ATP1B3: variants seen among roughly 807,000 people sequenced by gnomAD.
ATP1B3 encodes ATPase Na+/K+ transporting subunit beta 3.
Under a neutral mutation model 30.2 loss-of-function variants are expected in ATP1B3, and 10 were observed. That is an observed-to-expected ratio of 0.33 (90% CI 0.20 to 0.56). The LOEUF is 0.56. ATP1B3 is among the 20% of genes least tolerant of loss of function. The probability of loss-of-function intolerance (pLI) is 0.90; values close to 1 mark genes in which losing one functional copy is unlikely to be tolerated. For missense variants in ATP1B3, 238 were observed against 336.7 expected (o/e 0.71, Z 2.29); for synonymous variants, 113 against 117.0 (o/e 0.97, Z 0.22).
Position 141,907,235 on chromosome 3 carries a change from T to C in ATP1B3, c.307T>C (p.Tyr103His). Residue 103 changes from tyrosine (Y) to histidine (H), a missense_variant, in exon 3 of 7, where the codon TAT (tyrosine) becomes CAT (histidine). By Grantham distance (83) the Tyr-to-His change is moderately conservative. This residue lies in a region of ATP1B3 where 130 missense variants were observed against 148.8 expected (regional missense o/e 0.87). Coordinates refer to ENST00000286371, the MANE Select transcript of ATP1B3 (RefSeq NM_001679.4). Reference sequence around the variant, plus strand: ...ATTCAGTAGGTCTGATCCAACTTCGTATGCAGGGTACATTGAAGACCTTAA... The same window carrying C: ...ATTCAGTAGGTCTGATCCAACTTCGCATGCAGGGTACATTGAAGACCTTAA... ...YTFSRSDPTS[Y>H]AGYIEDLKKF... The C allele has an allele frequency of 6.2e-7, 1 of 1,612,842 alleles. No individual in the cohort carries two copies. Among genetic ancestry groups the C allele is most frequent in the Non-Finnish European group, 8.5e-7 (1 of 1,179,530 alleles).
intron 5 of ATP1B3, chr3:141,916,423 T>C (rs1401934684): frequency 3.7e-6 from 2 of 541,702 alleles, no homozygotes; most frequent in Non-Finnish European, 6.6e-6. Context: ...TAATGAAATA[T>C]GGTGCATTTT....
At chr3:141,878,579 A>G (rs1337204661) in intron 1 of ATP1B3, among the ~76,000 whole-genome samples, 1 of 152,178 alleles carries the variant, frequency 6.6e-6, no homozygotes, top group East Asian at 1.9e-4. Flanking sequence ...AGTGCTCTTC[A>G]ACCTTTGTAT....
chr3:141,899,497 AG>A, intron 1 of ATP1B3, among the ~76,000 whole-genome samples: 1 of 152,246 alleles, frequency 6.6e-6, no homozygotes, highest in East Asian at 1.9e-4. Flanking sequence ...TCATGTGTTG[AG>A]GGGGCATATT....
chr3:141,890,285 CTTTTTTTTTTTTTTT>C lies in ATP1B3; in HGVS notation c.110-13314_110-13300del, dbSNP rs775182342. Among the ~76,000 whole-genome samples, 24 of 28,554 alleles carry C rather than the reference CTTTTTTTTTTTTTTT, an allele frequency of 8.4e-4. No individual in the cohort carries two copies. The East Asian group carries it at 9.2e-3, about 11-fold the overall frequency. 18.7% of individuals were successfully genotyped at this position (28,554 alleles called of 152,430 possible). A position where few individuals can be genotyped will look rare whatever the true frequency, so the allele number is the denominator to read the frequency against. On this transcript the variant is annotated intron_variant, in intron 1 of 6. Transcript: ENST00000286371. ...TTTGTTTGTTTGTTTTTTTGTGGGG[CTTTTTTTTTTTTTTT>C]TTTTTTTTTTTTTTTTTTTTGAGAT...
intron 1 of ATP1B3, among the ~76,000 whole-genome samples, chr3:141,886,156 G>C (rs1192508934): frequency 6.6e-6 from 1 of 152,142 alleles, no homozygotes; most frequent in Non-Finnish European, 1.5e-5. Context: ...TGGCATTCCA[G>C]GTTTATTGTA....
intron 1 of ATP1B3, among the ~76,000 whole-genome samples, chr3:141,899,078 G>A (rs905663531): frequency 1.3e-5 from 2 of 152,180 alleles, no homozygotes; most frequent in African/African-American, 2.4e-5. Flanking sequence ...CTGGGTGCAG[G>A]GAGGGAGAGG....
At chr3:141,894,397 A>G (rs935950383) in intron 1 of ATP1B3, among the ~76,000 whole-genome samples, 7 of 151,916 alleles carry the variant, frequency 4.6e-5, no homozygotes, top group Non-Finnish European at 2.9e-5. Flanking sequence ...GCTTCAAGCA[A>G]TCTTCCCATC....
At chr3:141,921,786 G>C (rs986480622) in intron 5 of ATP1B3, 191 bp from the exon 6 acceptor site, 4 of 436,126 alleles carry the variant, frequency 9.2e-6, no homozygotes, top group African/African-American at 8.4e-5. Flanking sequence ...TGTGGAAGGG[G>C]TTAGTTAGAT....
At chr3:141,885,592 G>C (rs1306036119) in intron 1 of ATP1B3, among the ~76,000 whole-genome samples, 1 of 151,984 alleles carries the variant, frequency 6.6e-6, no homozygotes, top group African/African-American at 2.4e-5. Context: ...GGAATTACAG[G>C]CACATGTCAC....
At chr3:141,903,826 G>A (rs1934213279) in intron 2 of ATP1B3, 78 bp downstream of exon 2, 11 of 1,521,992 alleles carry the variant, frequency 7.2e-6, no homozygotes, top group Non-Finnish European at 9.8e-6. Flanking sequence ...TTGTTGCCCA[G>A]GCTGGAATGC....
intron 1 of ATP1B3, chr3:141,902,026 T>C: frequency 1.3e-6 from 1 of 796,838 alleles, no homozygotes; most frequent in Non-Finnish European, 1.8e-6. Flanking sequence ...CTCAAAGAAT[T>C]TCTCTTCTGT....
At chr3:141,913,603 T>A in intron 3 of ATP1B3, 49 bp from the exon 4 acceptor site, 2 of 1,463,268 alleles carry the variant, frequency 1.4e-6, no homozygotes, top group Non-Finnish European at 1.8e-6. Context: ...CTGGTTGTTT[T>A]TAGTACCTTT....
In ATP1B3 at chr3:141,913,934, T is replaced by G. The variant is rs1576399191; in HGVS notation, c.531+98T>G. ...TGTTGTGGTTGGGTTAATGCCTTCC[T>G]TATTAAAAGTTATCATTTGGGGGGT... On this transcript the variant is annotated intron_variant, in intron 4 of 6. Coordinates refer to ENST00000286371, the MANE Select transcript of ATP1B3 (RefSeq NM_001679.4). 3 of 1,129,702 alleles carry G rather than the reference T, an allele frequency of 2.7e-6. No homozygotes were observed. The East Asian group carries it at 7.6e-5, about 29-fold the overall frequency. The allele number at this position is 1,129,702 out of a possible 1,614,324, so 70.0% of individuals were successfully genotyped here.
intron 1 of ATP1B3, among the ~76,000 whole-genome samples, chr3:141,881,637 C>G (rs2107926535): frequency 6.6e-6 from 1 of 152,282 alleles, no homozygotes; most frequent in East Asian, 1.9e-4. Context: ...CCCATTTATG[C>G]TGGAGGTTGC....
intron 1 of ATP1B3, chr3:141,902,280 T>A: frequency 8.3e-7 from 1 of 1,200,720 alleles, no homozygotes; most frequent in Non-Finnish European, 1.1e-6. Flanking sequence ...ATGAAATTGC[T>A]TTAACTATTT....
intron 3 of ATP1B3, among the ~76,000 whole-genome samples, chr3:141,907,590 A>G (rs976921594): frequency 2.6e-5 from 4 of 152,104 alleles, no homozygotes; most frequent in African/African-American, 9.7e-5. Flanking sequence ...GCAGTGAGCC[A>G]AGTTTGCGCC....
At chr3:141,921,502 C>T (rs889588749) in intron 5 of ATP1B3, 1 of 152,250 alleles carries the variant, frequency 6.6e-6, no homozygotes, top group African/African-American at 2.4e-5. Context: ...ACATGAAACT[C>T]ACACCTGCTG....
rs916603686 is a variant in ATP1B3, at chr3:141,876,807, G to A, written c.6G>A (p.Thr2=). The A allele has an allele frequency of 5.0e-6, 8 of 1,588,696 alleles. No homozygotes were observed. In the African/African-American group the frequency reaches 1.1e-4, roughly 22 times the overall value. M[T]KNEKKSLNQS... ...TCGCCGTCCGCGCGCACACCATGAC[G>A]AAGAACGAGAAGAAGTCCCTCAACC... is the stretch of plus-strand genomic sequence containing the variant. The change falls in exon 1 of 7, where the codon ACG becomes ACA. Residue 2 remains threonine, a synonymous_variant. Coordinates refer to ENST00000286371, the MANE Select transcript of ATP1B3 (RefSeq NM_001679.4).
chr3:141,919,357 T>G (rs759258666), intron 5 of ATP1B3, among the ~76,000 whole-genome samples: 5 of 151,530 alleles, frequency 3.3e-5, no homozygotes, highest in Admixed American at 3.3e-4. Flanking sequence ...CCTCAAGCAA[T>G]CCACCCACCT....
Sources: gnomAD v4.1 joint callset for allele counts (sites outside exome capture counted in the v4.1 genomes callset) on GRCh38, gnomAD v4.1.1 for gene constraint, gnomAD v4.1.1 regional missense constraint, MANE v1.5 for transcripts, NCBI Gene and HGNC (gene_info 2026-07-23, HGNC 2026-07-21) for gene names.